CSMD1: variants seen among roughly 807,000 people sequenced by gnomAD.
CSMD1 encodes CUB and Sushi multiple domains 1.
In CSMD1, 213 loss-of-function variants were observed where a neutral mutation model predicts 417.5. That is an observed-to-expected ratio of 0.51 (90% CI 0.46 to 0.57). The LOEUF (loss-of-function observed/expected upper bound fraction) is 0.57, where lower values mean the gene tolerates loss of function less well. Among genes scored for constraint, CSMD1 ranks in the 20% least tolerant of loss-of-function variants. The pLI is 0.00. For synonymous variants in CSMD1, 2,862 were observed against 1,736.8 expected (o/e 1.65, Z -16.11); for missense variants, 6,923 against 4,529.7 (o/e 1.53, Z -15.17).
chr8:3,974,918 A>G (rs527805371), intron 5 of CSMD1, among the ~76,000 whole-genome samples: 87 of 152,300 alleles, frequency 5.7e-4, no homozygotes, highest in African/African-American at 2.0e-3. Context: ...CTACAATAAA[A>G]TTATCTTGAT....
rs193060787 is a variant in CSMD1 at position 4,950,344 on chromosome 8, C to T, written c.85+43988G>A. Among the ~76,000 whole-genome samples, 686 of 151,978 alleles carry T rather than the reference C, an allele frequency of 4.5e-3. 3 individuals are homozygous for T. Among genetic ancestry groups the T allele is most frequent in the African/African-American group, 0.016 (660 of 41,494 alleles). On this transcript the variant is annotated intron_variant, in intron 1 of 69. Transcript: ENST00000635120. ...GACATTTGCAGTTGTCTTTAAAAGACAGATTTTCAAAAGTTAAATAAGTAG... is the reference window on the plus strand; with the variant it reads ...GACATTTGCAGTTGTCTTTAAAAGATAGATTTTCAAAAGTTAAATAAGTAG...
At chr8:3,379,536 G>C (rs1810506474) in intron 18 of CSMD1, among the ~76,000 whole-genome samples, 1 of 152,174 alleles carries the variant, frequency 6.6e-6, no homozygotes, top group Non-Finnish European at 1.5e-5. Context: ...CAAGGTACTG[G>C]TACCAAAGCA....
At chr8:4,279,965 T>C (rs1324376742) in intron 3 of CSMD1, among the ~76,000 whole-genome samples, 4 of 152,152 alleles carry the variant, frequency 2.6e-5, no homozygotes, top group African/African-American at 9.7e-5. Context: ...GGCAAGAACA[T>C]CAAAGGATAC....
At chr8:4,214,654 G>C (rs979551492) in intron 3 of CSMD1, among the ~76,000 whole-genome samples, 1 of 152,024 alleles carries the variant, frequency 6.6e-6, no homozygotes, top group African/African-American at 2.4e-5. Flanking sequence ...GCACGTGTAT[G>C]TGTGTGTGTA....
At chr8:3,876,858 C>T (rs139112499) in intron 5 of CSMD1, among the ~76,000 whole-genome samples, 274 of 152,298 alleles carry the variant, frequency 1.8e-3, no homozygotes, top group African/African-American at 6.2e-3. Flanking sequence ...GTGATTCGCC[C>T]GCCTTGGCCT....
At chr8:3,385,231 A>G (rs1204036129) in intron 18 of CSMD1, among the ~76,000 whole-genome samples, 2 of 148,028 alleles carry the variant, frequency 1.4e-5, no homozygotes. Context: ...ATACATGCAT[A>G]TCTATGAATG....
intron 10 of CSMD1, among the ~76,000 whole-genome samples, chr8:3,534,721 G>T (rs1170381321): frequency 1.3e-5 from 2 of 152,132 alleles, no homozygotes; most frequent in African/African-American, 4.8e-5. Flanking sequence ...GAGCCTTTAA[G>T]CAACAACTGC....
In CSMD1 at chr8:2,995,763, C is replaced by T. The variant is rs138693477; in HGVS notation, c.8377+2248G>A. On this transcript the variant is annotated intron_variant, in intron 54 of 69. Transcript: ENST00000635120. ...ACAGGCCACAACTTGGATGAATCTC[C>T]GGAAAATTATGTTGAATAAAAAAGG... 4.7e-3 allele frequency among the ~76,000 whole-genome samples: 719 copies of T among 152,154 alleles called. 9 individuals carry two copies. The highest frequency in any genetic ancestry group is 0.014 in the African/African-American group (589 of 41,492).
intron 12 of CSMD1, among the ~76,000 whole-genome samples, chr8:3,445,982 G>C (rs1476347088): frequency 5.3e-5 from 8 of 152,194 alleles, no homozygotes; most frequent in Non-Finnish European, 1.2e-4. Context: ...GCACAACAGA[G>C]GGAGAAGGGA....
chr8:4,964,393 C>A (rs112394867), intron 1 of CSMD1, among the ~76,000 whole-genome samples: 1 of 149,588 alleles, frequency 6.7e-6, no homozygotes, highest in Admixed American at 6.7e-5. Flanking sequence ...GTGGCATGCA[C>A]CTGTAGTCCC....
chr8:4,564,159 G>T (rs566486093), intron 2 of CSMD1, among the ~76,000 whole-genome samples: 1 of 152,164 alleles, frequency 6.6e-6, no homozygotes, highest in Non-Finnish European at 1.5e-5. Flanking sequence ...AGGTTCAGAA[G>T]ATAATGGTCA....
At chr8:4,751,934 T>C (rs757977646) in intron 1 of CSMD1, among the ~76,000 whole-genome samples, 1 of 152,210 alleles carries the variant, frequency 6.6e-6, no homozygotes, top group Non-Finnish European at 1.5e-5. Flanking sequence ...AAGATCCATG[T>C]AATCTGAGAG....
At position 4,539,363 on chromosome 8, in the gene CSMD1, G is replaced by C. The variant is rs149518318; in HGVS notation, c.302+97979C>G. On this transcript the variant is annotated intron_variant, in intron 2 of 69. Coordinates refer to ENST00000635120, the MANE Select transcript of CSMD1 (RefSeq NM_033225.6). ...CCCAATCTCTTTCACTAAGCCCATG[G>C]ATCAGCAGGAATGTTTTTGGAGTGT... Among the ~76,000 whole-genome samples, 671 of 152,256 alleles carry C rather than the reference G, an allele frequency of 4.4e-3. 7 individuals are homozygous for C. Among genetic ancestry groups the C allele is most frequent in the Middle Eastern group, 6.8e-3 (2 of 294 alleles).
At chr8:3,939,024 G>T (rs780105928) in intron 5 of CSMD1, among the ~76,000 whole-genome samples, 24 of 151,996 alleles carry the variant, frequency 1.6e-4, no homozygotes, top group Non-Finnish European at 3.1e-4. Context: ...ATAGTGAAAT[G>T]GATTTTTATT....
At chr8:3,916,601 C>A (rs1349868686) in intron 5 of CSMD1, among the ~76,000 whole-genome samples, 1 of 152,100 alleles carries the variant, frequency 6.6e-6, no homozygotes, top group African/African-American at 2.4e-5. Flanking sequence ...ACAATATGAA[C>A]TTTAGTAGGC....
chr8:3,886,330 TG>T (rs1563178333), intron 5 of CSMD1, among the ~76,000 whole-genome samples: 1 of 152,212 alleles, frequency 6.6e-6, no homozygotes, highest in African/African-American at 2.4e-5. Context: ...ATTACAGGCG[TG>T]GGCCACTGTG....
chr8:4,589,824 G>C (rs770308358), intron 2 of CSMD1, among the ~76,000 whole-genome samples: 3 of 152,216 alleles, frequency 2.0e-5, no homozygotes, highest in South Asian at 2.1e-4. Context: ...AGAATACTTT[G>C]GCAGTTTCTG....
chr8:4,670,130 G>A (rs192858292), intron 1 of CSMD1, among the ~76,000 whole-genome samples: 1 of 152,264 alleles, frequency 6.6e-6, no homozygotes, highest in African/African-American at 2.4e-5. Context: ...TTAGGGTAGG[G>A]TTAGAAATAT....
At chr8:4,714,969 G>C (rs1035149304) in intron 1 of CSMD1, among the ~76,000 whole-genome samples, 1 of 152,136 alleles carries the variant, frequency 6.6e-6, no homozygotes, top group South Asian at 2.1e-4. Flanking sequence ...TGTAAAATTA[G>C]ACTGTATTTC....
Sources: allele counts gnomAD v4.1 joint callset (sites outside exome capture counted in the v4.1 genomes callset), GRCh38; gene constraint gnomAD v4.1.1; transcripts MANE v1.5; gene names NCBI Gene and HGNC (gene_info 2026-07-23, HGNC 2026-07-21).